The following UNC79 variants were observed in gnomAD, a reference collection of about 807,000 sequenced individuals.
The protein encoded by UNC79 is unc-79 subunit of NALCN channel complex.
Under a neutral mutation model 283.1 loss-of-function variants are expected in UNC79, and 37 were observed. The ratio of observed to expected loss-of-function variants is 0.13; its 90% confidence interval spans 0.10 to 0.17. The LOEUF (loss-of-function observed/expected upper bound fraction) is 0.17. Among genes scored for constraint, UNC79 ranks in the 10% least tolerant of loss-of-function variants. The probability of loss-of-function intolerance (pLI) is 1.00; values close to 1 mark genes in which losing one functional copy is unlikely to be tolerated. For missense variants in UNC79, 2,272 were observed against 3,211.1 expected, an observed-to-expected ratio of 0.71 and a Z score of 7.07; for synonymous variants, 1,107 against 1,200.2, an observed-to-expected ratio of 0.92 and a Z score of 1.61.
intron 1 of UNC79, among the ~76,000 whole-genome samples, chr14:93,362,622 A>G (rs1217847059): frequency 6.6e-6 from 1 of 152,196 alleles, no homozygotes. Context: ...TGCTGGGATT[A>G]CAGATGTTAG....
intron 14 of UNC79, among the ~76,000 whole-genome samples, chr14:93,547,303 C>T (rs772921777): frequency 1.3e-5 from 2 of 152,152 alleles, no homozygotes; most frequent in Admixed American, 1.3e-4. Flanking sequence ...TATTTGACAA[C>T]GCTTTCCATA....
exon 7 of UNC79, chr14:93,497,177 G>C (rs142081756): frequency 6.2e-7 from 1 of 1,612,562 alleles, no homozygotes; most frequent in Non-Finnish European, 8.5e-7. Context: ...ATGTGATTGC[G>C]TATGGGCCTT....
At chr14:93,650,026 G>T (rs1216204377) in intron 35 of UNC79, among the ~76,000 whole-genome samples, 2 of 152,088 alleles carry the variant, frequency 1.3e-5, no homozygotes, top group African/African-American at 4.8e-5. Context: ...TTTCCACATG[G>T]GTTGATTTTG....
At chr14:93,662,939 C>T (rs2071762804) in intron 40 of UNC79, among the ~76,000 whole-genome samples, 1 of 152,042 alleles carries the variant, frequency 6.6e-6, no homozygotes, top group African/African-American at 2.4e-5. Context: ...TGCACATATG[C>T]AGATTCAGAG....
At chr14:93,511,774 A>G (rs979345452) in intron 7 of UNC79, among the ~76,000 whole-genome samples, 1 of 152,174 alleles carries the variant, frequency 6.6e-6, no homozygotes, top group Non-Finnish European at 1.5e-5. Context: ...ATGCTTACAT[A>G]AACTAAAACA....
At chr14:93,569,228 G>A (rs2063076602) in intron 14 of UNC79, among the ~76,000 whole-genome samples, 1 of 152,182 alleles carries the variant, frequency 6.6e-6, no homozygotes. Context: ...CTCAGGTCAG[G>A]AGATGGAGAC....
rs71129655 is a variant in UNC79 at position 93,698,476 on chromosome 14, G to GTTTTTT, written c.7548+4086_7548+4091dup. Among the ~76,000 whole-genome samples, 145 of 79,106 alleles carry GTTTTTT rather than the reference G, an allele frequency of 1.8e-3. 31 individuals are homozygous for GTTTTTT. The highest frequency in any genetic ancestry group is 3.0e-3 in the Non-Finnish European group (118 of 39,086). The allele number at this position is 79,106 out of a possible 152,430, so 51.9% of individuals were successfully genotyped here. ...TGGTAATATTTTTAGTTTAGTTTAG[G>GTTTTTT]TTTTTTTTTTTTTTTTTTTTTTTTT... On this transcript the variant is annotated intron_variant, in intron 47 of 48. Transcript: ENST00000555664.
In UNC79 at chr14:93,662,586, G is replaced by T; in HGVS notation, c.6526-18G>T. 6.5e-7 allele frequency: 1 copy of T among 1,543,324 alleles called. No individual in the cohort carries two copies. The highest frequency in any genetic ancestry group is 8.9e-7 in the Non-Finnish European group (1 of 1,122,070). ...AGTAATCAGCAATTGACTTTATTTG[G>T]CCCCAATCTCATTGCAGAGTTTGTT... On this transcript the variant is annotated intron_variant, in intron 39 of 48. Transcript: ENST00000555664.
chr14:93,342,331 C>T lies in UNC79; in HGVS notation c.-351+8808C>T, dbSNP rs1595365466. ...GTTCCCTCTGAAGCAATGACTCAAG[C>T]TCTACCTTGATCCTTTTTAGCCATG... On this transcript the variant is annotated intron_variant, in intron 1 of 49. Transcript: ENST00000256339. Among the ~76,000 whole-genome samples the T allele has an allele frequency of 2.0e-5, 3 of 152,370 alleles. No homozygotes were observed. The Middle Eastern group carries it at 0.01, about 518-fold the overall frequency.
intron 33 of UNC79, among the ~76,000 whole-genome samples, chr14:93,642,661 T>C (rs2069170055): frequency 6.6e-6 from 1 of 152,294 alleles, no homozygotes; most frequent in African/African-American, 2.4e-5. Context: ...TAATCTTTCC[T>C]ATTTGCCTTT....
intron 32 of UNC79, among the ~76,000 whole-genome samples, chr14:93,640,269 C>T (rs572069965): frequency 2.0e-5 from 3 of 152,260 alleles, no homozygotes; most frequent in South Asian, 2.1e-4. Flanking sequence ...GATTGGCTGA[C>T]GTGGAATGAG....
chr14:93,662,099 G>C lies in UNC79; in HGVS notation c.6526-505G>C, dbSNP rs150000553. 3.2e-3 allele frequency among the ~76,000 whole-genome samples: 493 copies of C among 152,290 alleles called. 1 individual carries two copies. The highest frequency in any genetic ancestry group is 0.012 in the African/African-American group (480 of 41,558). On this transcript the variant is annotated intron_variant, in intron 39 of 48. Transcript: ENST00000555664. ...GGATTCAGGGGGAGAAACCAAAACAGACTATGCCTTCCTGATTAACATTGG... is the reference window on the plus strand; with the variant it reads ...GGATTCAGGGGGAGAAACCAAAACACACTATGCCTTCCTGATTAACATTGG...
At chr14:93,458,935 A>G (rs2056866932) in intron 1 of UNC79, among the ~76,000 whole-genome samples, 1 of 152,244 alleles carries the variant, frequency 6.6e-6, no homozygotes, top group Non-Finnish European at 1.5e-5. Context: ...ATATTTATAT[A>G]ATGAAGTGCA....
intron 5 of UNC79, among the ~76,000 whole-genome samples, chr14:93,492,616 A>T (rs552344187): frequency 2.0e-5 from 3 of 152,094 alleles, no homozygotes; most frequent in Non-Finnish European, 4.4e-5. Context: ...GGCCTCCCAA[A>T]GTGCTGGGAT....
chr14:93,469,455 A>G (rs1595543211), intron 2 of UNC79, among the ~76,000 whole-genome samples: 1 of 152,152 alleles, frequency 6.6e-6, no homozygotes, highest in East Asian at 1.9e-4. Flanking sequence ...TAACAATCGT[A>G]TTTGTACTTC....
chr14:93,357,776 T>TGGATATATATATAC (rs1566889865), intron 1 of UNC79, among the ~76,000 whole-genome samples: 6 of 95,890 alleles, frequency 6.3e-5, no homozygotes, highest in African/African-American at 1.7e-4. Context: ...TATGGATATG[T>TGGATATATATATAC]GGATATATGG....
Position 93,690,486 on chromosome 14 carries a change from C to T in UNC79, c.7272+183C>T. 1.7e-6 allele frequency: 1 copy of T among 603,856 alleles called. No homozygotes were observed. The highest frequency in any genetic ancestry group is 2.6e-6 in the Non-Finnish European group (1 of 390,066). The allele number at this position is 603,856 out of a possible 1,614,324, so 37.4% of individuals were successfully genotyped here. On this transcript the variant is annotated intron_variant, in intron 45 of 48. Transcript: ENST00000555664. The surrounding 1 kb of genome is among the most constrained non-coding windows in gnomAD (Gnocchi z 4.3). ...TGTTTAGATTCCCAGACTGTCTTTC[C>T]CCCCGCCCCCAAATTGTTTTTCGGC...
At chr14:93,660,557 ATATATATGTGTG>A (rs1488561706) in intron 39 of UNC79, among the ~76,000 whole-genome samples, 27 of 87,748 alleles carry the variant, frequency 3.1e-4, no homozygotes, top group African/African-American at 1.3e-3. Flanking sequence ...ATATATATAT[ATATATATGTGTG>A]TGTGTGTGTG....
At chr14:93,615,641 G>C (rs2066645593) in intron 27 of UNC79, among the ~76,000 whole-genome samples, 1 of 139,836 alleles carries the variant, frequency 7.2e-6, no homozygotes, top group Admixed American at 7.7e-5. Flanking sequence ...TGAATCGCTG[G>C]AACCTGGGAG....
Sources: gnomAD v4.1 joint callset for allele counts (sites outside exome capture counted in the v4.1 genomes callset) on GRCh38, gnomAD v4.1.1 for gene constraint, Gnocchi (gnomAD v3.1) non-coding constraint, MANE v1.5 for transcripts, NCBI Gene and HGNC (gene_info 2026-07-23, HGNC 2026-07-21) for gene names.